TRPM6: variants seen among roughly 807,000 people sequenced by gnomAD.
TRPM6 encodes the protein channel kinase 2.
A neutral mutation model predicts 247.6 loss-of-function variants in TRPM6; 111 were observed. That is an observed-to-expected ratio of 0.45 (90% CI 0.38 to 0.52). The LOEUF is 0.52. TRPM6 is among the 20% of genes least tolerant of loss of function. The pLI, the probability that TRPM6 is intolerant of heterozygous loss-of-function variation, is 0.00. For missense variants in TRPM6, 2,126 were observed against 2,421.5 expected (o/e 0.88, Z 2.56); for synonymous variants, 892 against 853.8 (o/e 1.04, Z -0.78).
At chr9:74,774,320 T>A (rs770974429) in intron 24 of TRPM6, among the ~76,000 whole-genome samples, 1 of 152,194 alleles carries the variant, frequency 6.6e-6, no homozygotes, top group Non-Finnish European at 1.5e-5. Context: ...GTGATTCACA[T>A]TCTGCTATTA....
intron 5 of TRPM6, among the ~76,000 whole-genome samples, chr9:74,836,059 A>G (rs1829710325): frequency 6.6e-6 from 1 of 152,182 alleles, no homozygotes; most frequent in African/African-American, 2.4e-5. Flanking sequence ...TGACAAAGAT[A>G]CAATGATGTA....
intron 12 of TRPM6, among the ~76,000 whole-genome samples, chr9:74,811,560 A>T (rs971093527): frequency 6.6e-6 from 1 of 152,226 alleles, no homozygotes; most frequent in Non-Finnish European, 1.5e-5. Context: ...CAGTATTTTA[A>T]TAGTGGCCTT....
intron 27 of TRPM6, among the ~76,000 whole-genome samples, chr9:74,758,495 T>C (rs145955222): frequency 1.3e-5 from 2 of 152,250 alleles, no homozygotes; most frequent in African/African-American, 4.8e-5. Flanking sequence ...AATTAATGAA[T>C]GAAATTCACT....
intron 1 of TRPM6, among the ~76,000 whole-genome samples, chr9:74,885,956 G>C (rs1021784166): frequency 2.0e-5 from 3 of 152,168 alleles, no homozygotes; most frequent in African/African-American, 7.2e-5. Context: ...AGGAAAAAGA[G>C]AGAAGCCATA....
At chr9:74,846,709 G>A (rs1830120782) in intron 3 of TRPM6, among the ~76,000 whole-genome samples, 1 of 152,012 alleles carries the variant, frequency 6.6e-6, no homozygotes. Context: ...ACCACGCCTG[G>A]ATAACTTGTT....
intron 36 of TRPM6, among the ~76,000 whole-genome samples, chr9:74,734,325 TGA>T (rs1825622978): frequency 6.6e-6 from 1 of 152,238 alleles, no homozygotes; most frequent in Non-Finnish European, 1.5e-5. Flanking sequence ...TTCTACTTGT[TGA>T]GAAAACTCAT....
At position 74,762,518 on chromosome 9, in the gene TRPM6, C is replaced by G. The variant is rs201256788; in HGVS notation, c.4153G>C (p.Val1385Leu). The change falls in exon 26 of 39, where the codon GTT (valine) becomes CTT (leucine). Residue 1385 changes from valine (V) to leucine (L), a missense_variant. Val to Leu is a conservative substitution (Grantham distance 32, BLOSUM62 1). Around this residue, in one of 3 missense-constraint regions of TRPM6, gnomAD observed 717 missense variants for 715.9 expected, o/e 1.00. Transcript: ENST00000360774. The part of the protein sequence containing the change: ...TEQDIQTEVL[V>L]HLTGQTPVVS... Reference sequence around the variant, plus strand: ...ACTGGGGTCTGCCCAGTCAGATGAACAAGAACCTCAGTCTGGATGTCCTGT... The same window carrying G: ...ACTGGGGTCTGCCCAGTCAGATGAAGAAGAACCTCAGTCTGGATGTCCTGT... 1.9e-6 allele frequency: 3 copies of G among 1,614,168 alleles called. No individual in the cohort carries two copies. The highest frequency in any genetic ancestry group is 2.5e-6 in the Non-Finnish European group (3 of 1,180,032).
chr9:74,850,870 G>C (rs1207526310), intron 3 of TRPM6, among the ~76,000 whole-genome samples: 1 of 152,142 alleles, frequency 6.6e-6, no homozygotes, highest in African/African-American at 2.4e-5. Flanking sequence ...GGTGTCATCT[G>C]ATCATCTTTT....
intron 2 of TRPM6, among the ~76,000 whole-genome samples, chr9:74,855,864 G>T (rs1034857554): frequency 6.6e-6 from 1 of 151,964 alleles, no homozygotes; most frequent in Non-Finnish European, 1.5e-5. Context: ...GCTTCATAAG[G>T]TTATTAAAAT....
chr9:74,729,941 T>A (rs190071491), intron 37 of TRPM6, among the ~76,000 whole-genome samples: 1 of 152,304 alleles, frequency 6.6e-6, no homozygotes, highest in East Asian at 1.9e-4. Flanking sequence ...GATTTCCCTC[T>A]ATGAGCTTTG....
At chr9:74,848,203 T>C (rs1830171322) in intron 3 of TRPM6, among the ~76,000 whole-genome samples, 1 of 152,240 alleles carries the variant, frequency 6.6e-6, no homozygotes, top group African/African-American at 2.4e-5. Flanking sequence ...CTGAGAACTT[T>C]CACCTTTTCA....
chr9:74,781,929 A>G (rs1000678090), intron 23 of TRPM6, among the ~76,000 whole-genome samples: 2 of 152,234 alleles, frequency 1.3e-5, no homozygotes, highest in Non-Finnish European at 2.9e-5. Context: ...CTGAACATGC[A>G]GAGACGTTTT....
Position 74,820,935 on chromosome 9 carries a change from GA to G in TRPM6, c.1011-509del, listed in dbSNP as rs538969209. Among the ~76,000 whole-genome samples, 889 of 152,278 alleles carry G rather than the reference GA, an allele frequency of 5.8e-3. 4 individuals are homozygous for G. The highest frequency in any genetic ancestry group is 8.6e-3 in the Non-Finnish European group (583 of 68,034). ...TAACCACACATCCAGGATGATTTTA[GA>G]AAAGGGAGAGGAGTGAAAGCAGAGG... is the stretch of plus-strand genomic sequence containing the variant. On this transcript the variant is annotated intron_variant, in intron 8 of 38. Transcript: ENST00000360774.
chr9:74,793,912 TA>T lies in TRPM6; in HGVS notation c.2392-1143del, dbSNP rs776296057. ...ACTCATGTAGAGAATTAGCAATGAG[TA>T]TATGTAAGGCAGAGCAGGAGTTGCC... On this transcript the variant is annotated intron_variant, in intron 18 of 38. Coordinates refer to ENST00000360774, the MANE Select transcript of TRPM6 (RefSeq NM_017662.5). Among the ~76,000 whole-genome samples the T allele has an allele frequency of 2.7e-3, 418 of 152,136 alleles. 1 individual carries two copies. Among genetic ancestry groups the T allele is most frequent in the Admixed American group, 4.6e-3 (70 of 15,280 alleles).
intron 7 of TRPM6, among the ~76,000 whole-genome samples, chr9:74,823,645 G>T (rs1044875209): frequency 6.6e-6 from 1 of 152,018 alleles, no homozygotes; most frequent in East Asian, 1.9e-4. Flanking sequence ...TCTCTAAATA[G>T]TCTTATAAAA....
intron 5 of TRPM6, among the ~76,000 whole-genome samples, chr9:74,838,492 G>A (rs1430560505): frequency 6.6e-6 from 1 of 152,132 alleles, no homozygotes; most frequent in Non-Finnish European, 1.5e-5. Flanking sequence ...CAGTCAAAAG[G>A]AACTTTGTTA....
chr9:74,852,042 G>C (rs1830338259), intron 3 of TRPM6, among the ~76,000 whole-genome samples: 1 of 151,868 alleles, frequency 6.6e-6, no homozygotes, highest in Non-Finnish European at 1.5e-5. Context: ...AGGCTGAAGA[G>C]TGGGGATCAC....
chr9:74,887,209 C>T (rs1831560679), intron 1 of TRPM6: 1 of 1,255,496 alleles, frequency 8.0e-7, no homozygotes, highest in East Asian at 3.0e-5. Context: ...AGGAAGCGGA[C>T]TGCGGCGGGG....
chr9:74,769,936 A>G (rs557922044), intron 25 of TRPM6, among the ~76,000 whole-genome samples: 3 of 152,318 alleles, frequency 2.0e-5, no homozygotes, highest in African/African-American at 7.2e-5. Context: ...CGGAGAACCA[A>G]GCTTGCCCGT....
Sources: allele counts gnomAD v4.1 joint callset (sites outside exome capture counted in the v4.1 genomes callset), GRCh38; gene constraint gnomAD v4.1.1; regional missense constraint gnomAD v4.1.1; transcripts MANE v1.5; gene names NCBI Gene and HGNC (gene_info 2026-07-23, HGNC 2026-07-21).